The following U2SURP variants were observed in gnomAD, a reference collection of about 807,000 sequenced individuals.
The protein encoded by U2SURP is U2 snRNP associated SURP domain containing.
In U2SURP, 9 loss-of-function variants were observed where a neutral mutation model predicts 144.9. The observed-to-expected ratio is 0.06, with a 90% CI of 0.04 to 0.11. U2SURP has a LOEUF of 0.11. Among genes scored for constraint, U2SURP ranks in the 10% least tolerant of loss-of-function variants. The pLI is 1.00. For synonymous variants in U2SURP, 408 were observed against 396.8 expected (o/e 1.03, Z -0.33); for missense variants, 724 against 1,226.7 (o/e 0.59, Z 6.12).
chr3:143,034,201 C>A (rs566569201), intron 18 of U2SURP, among the ~76,000 whole-genome samples: 1 of 152,096 alleles, frequency 6.6e-6, no homozygotes, highest in Non-Finnish European at 1.5e-5. Flanking sequence ...GTCAGAAGTT[C>A]GAGACCACCC....
Position 143,021,382 on chromosome 3 carries a change from G to A in U2SURP, c.766G>A (p.Gly256Ser). ...GCCTTCAAGAAGAAATAGATCATCT[G>A]GTGGTAATACAGTTTTTTGCTCTTT... ...DAPSRRNRSS[G>S]VLDDYAPGSH... Residue 256 changes from glycine to serine, a missense_variant, in exon 9 of 28, where the codon GGT becomes AGT. Around this residue, in one of 13 missense-constraint regions of U2SURP, gnomAD observed 115 missense variants for 258.1 expected, o/e 0.45. Coordinates refer to ENST00000473835, the MANE Select transcript of U2SURP (RefSeq NM_001080415.2). The A allele has an allele frequency of 1.2e-6, 2 of 1,603,614 alleles. No homozygotes were observed. The highest frequency in any genetic ancestry group is 1.7e-6 in the Non-Finnish European group (2 of 1,174,026).
Position 143,056,724 on chromosome 3 carries a change from C to CAGT in U2SURP, c.*282_*284dup, listed in dbSNP as rs1191410305. ...GAAATGTGTATAATGGATCTGCTGA[C>CAGT]AGTAGTAGTATTTTGTTTTAGGATG... is the stretch of plus-strand genomic sequence containing the variant. On this transcript the variant is annotated 3_prime_UTR_variant, in exon 28 of 28. Coordinates refer to ENST00000473835, the MANE Select transcript of U2SURP (RefSeq NM_001080415.2). 1.8e-5 allele frequency: 5 copies of CAGT among 278,548 alleles called. No individual in the cohort carries two copies. Among genetic ancestry groups the CAGT allele is most frequent in the Non-Finnish European group, 2.7e-5 (4 of 147,060 alleles). 17.3% of individuals were successfully genotyped at this position (278,548 alleles called of 1,614,324 possible).
chr3:143,021,394 G>GT lies in U2SURP; in HGVS notation c.769+15dup, dbSNP rs1248696928. On this transcript the variant is annotated intron_variant, in intron 9 of 27. Transcript: ENST00000473835. ...AAATAGATCATCTGGTGGTAATACA[G>GT]TTTTTTGCTCTTTTAATCGATAAAT... is the stretch of plus-strand genomic sequence containing the variant. 51 of 1,604,976 alleles carry GT rather than the reference G, an allele frequency of 3.2e-5. 1 individual carries two copies. Among genetic ancestry groups the GT allele is most frequent in the Non-Finnish European group, 4.3e-5 (50 of 1,174,856 alleles).
intron 16 of U2SURP, among the ~76,000 whole-genome samples, chr3:143,032,524 A>G (rs553561083): frequency 6.6e-6 from 1 of 152,342 alleles, no homozygotes; most frequent in South Asian, 2.1e-4. Flanking sequence ...ACGCTTGAAG[A>G]AATGCGTATG....
rs190031387 is a variant in U2SURP, at chr3:143,035,392, T to C, written c.1941+417T>C. Among the ~76,000 whole-genome samples the C allele has an allele frequency of 2.7e-4, 41 of 152,302 alleles. No individual in the cohort carries two copies. In the East Asian group the frequency reaches 3.9e-3, roughly 14 times the overall value. Reference sequence around the variant, plus strand: ...AAAGCCAAGTGTAGTACTTCACTTATAATTGAATAAGTAAATATGCTTTCA... The same window carrying C: ...AAAGCCAAGTGTAGTACTTCACTTACAATTGAATAAGTAAATATGCTTTCA... On this transcript the variant is annotated intron_variant, in intron 19 of 27. Transcript: ENST00000473835.
intron 24 of U2SURP, among the ~76,000 whole-genome samples, chr3:143,047,889 C>A (rs955966292): frequency 7.0e-6 from 1 of 142,658 alleles, no homozygotes. Context: ...CTGACCCCCC[C>A]CAACCTCCCT....
In U2SURP at chr3:143,019,640, T is replaced by G. The variant is rs1936538386; in HGVS notation, c.571-329T>G. Reference sequence around the variant, plus strand: ...GGATTCCAAAGATGTTACTTACTGTTCCAGTAACTCATGTCCTCCAGAGGT... The same window carrying G: ...GGATTCCAAAGATGTTACTTACTGTGCCAGTAACTCATGTCCTCCAGAGGT... On this transcript the variant is annotated intron_variant, in intron 6 of 27. Coordinates refer to ENST00000473835, the MANE Select transcript of U2SURP (RefSeq NM_001080415.2). Among the ~76,000 whole-genome samples the G allele has an allele frequency of 4.6e-5, 7 of 152,232 alleles. No individual in the cohort carries two copies. The South Asian group carries it at 1.4e-3, about 31-fold the overall frequency.
At chr3:143,050,203 A>G (rs1042682226) in intron 24 of U2SURP, among the ~76,000 whole-genome samples, 2 of 152,050 alleles carry the variant, frequency 1.3e-5, no homozygotes, top group Admixed American at 1.3e-4. Flanking sequence ...TCTCCCGAGT[A>G]GCTGGGATTA....
In U2SURP at chr3:143,001,601, C is replaced by A; in HGVS notation, c.-28C>A. On this transcript the variant is annotated 5_prime_UTR_variant, in exon 1 of 28. Transcript: ENST00000473835. ...GTGCTCGACTCGCCCGTGCTGCTGCCGCCGCCGAAGGAGGGGCAAAGCTCA... is the reference window on the plus strand; with the variant it reads ...GTGCTCGACTCGCCCGTGCTGCTGCAGCCGCCGAAGGAGGGGCAAAGCTCA... The A allele has an allele frequency of 1.9e-6, 3 of 1,613,488 alleles. No homozygotes were observed. Among genetic ancestry groups the A allele is most frequent in the East Asian group, 2.2e-5 (1 of 44,858 alleles).
intron 1 of U2SURP, 102 bp downstream of exon 1, chr3:143,001,775 A>C: frequency 6.7e-7 from 1 of 1,489,528 alleles, no homozygotes; most frequent in Non-Finnish European, 9.2e-7. Context: ...TGGGGTCTGC[A>C]TTCTAGTCGC....
intron 25 of U2SURP, among the ~76,000 whole-genome samples, chr3:143,052,395 T>TAAA (rs1358895767): frequency 7.3e-4 from 2 of 2,748 alleles, no homozygotes; most frequent in Non-Finnish European, 6.4e-4. Context: ...AAACTCTGTC[T>TAAA]AAAAAAATAA....
At chr3:143,039,803 C>T (rs1295361098) in intron 23 of U2SURP, among the ~76,000 whole-genome samples, 1 of 151,738 alleles carries the variant, frequency 6.6e-6, no homozygotes, top group East Asian at 1.9e-4. Context: ...AAAATGTGAT[C>T]AATCAGCAGG....
At chr3:143,038,532 C>T (rs1317351026) in intron 22 of U2SURP, among the ~76,000 whole-genome samples, 1 of 152,008 alleles carries the variant, frequency 6.6e-6, no homozygotes. Flanking sequence ...CAAGCTTTGA[C>T]CCTCCCATAA....
chr3:143,047,075 G>T (rs1307194887), intron 24 of U2SURP, among the ~76,000 whole-genome samples: 1 of 124,250 alleles, frequency 8.0e-6, no homozygotes, highest in Non-Finnish European at 1.7e-5. Flanking sequence ...TCCCTGACGG[G>T]GCGGCTGGCC....
rs150229601 is a variant in U2SURP at position 143,019,786 on chromosome 3, A to G, written c.571-183A>G. Reference sequence around the variant, plus strand: ...ATTGTTTAATTGTAGTAATAATTTAATTGTTTGTTATTTTGAAGGAAGGGG... The same window carrying G: ...ATTGTTTAATTGTAGTAATAATTTAGTTGTTTGTTATTTTGAAGGAAGGGG... On this transcript the variant is annotated intron_variant, in intron 6 of 27. Coordinates refer to ENST00000473835, the MANE Select transcript of U2SURP (RefSeq NM_001080415.2). Among the ~76,000 whole-genome samples the G allele has an allele frequency of 1.7e-4, 26 of 152,270 alleles. No individual in the cohort carries two copies. In the East Asian group the frequency reaches 5.0e-3, roughly 29 times the overall value.
chr3:143,042,606 ATCCT>A (rs1457628188), intron 23 of U2SURP, among the ~76,000 whole-genome samples: 1 of 151,942 alleles, frequency 6.6e-6, no homozygotes, highest in Non-Finnish European at 1.5e-5. Flanking sequence ...CCCCCCTCCC[ATCCT>A]TCCATGTCCC....
At chr3:143,007,738 C>T (rs1010005385) in intron 1 of U2SURP, among the ~76,000 whole-genome samples, 4 of 152,126 alleles carry the variant, frequency 2.6e-5, no homozygotes, top group African/African-American at 4.8e-5. Context: ...CCACCGCGCC[C>T]GGCCGACTTC....
chr3:143,054,616 G>A (rs1295167254), intron 26 of U2SURP, among the ~76,000 whole-genome samples: 5 of 152,140 alleles, frequency 3.3e-5, no homozygotes, highest in Non-Finnish European at 7.4e-5. Context: ...TTGCCAACAT[G>A]ATGCCCCATT....
chr3:143,027,345 A>T (rs937308416), intron 14 of U2SURP, 92 bp downstream of exon 14: 1 of 919,366 alleles, frequency 1.1e-6, no homozygotes, highest in Admixed American at 2.3e-5. Flanking sequence ...CATTAAGTAC[A>T]TTCACATTGT....
Sources: allele counts gnomAD v4.1 joint callset (sites outside exome capture counted in the v4.1 genomes callset), GRCh38; gene constraint gnomAD v4.1.1; regional missense constraint gnomAD v4.1.1; transcripts MANE v1.5; gene names NCBI Gene and HGNC (gene_info 2026-07-23, HGNC 2026-07-21).